Variants in SNX24 observed in about 807,000 individuals in gnomAD.
The protein encoded by SNX24 is sorting nexin 24.
SNX24 carries 22 observed loss-of-function variants against 28.7 expected under a neutral mutation model. The ratio of observed to expected loss-of-function variants is 0.77; its 90% CI spans 0.55 to 1.10. The LOEUF is 1.10. SNX24 is among the 50% of genes least tolerant of loss of function. The pLI, the probability that SNX24 is intolerant of heterozygous loss-of-function variation, is 0.00. For missense variants in SNX24, 221 were observed against 201.1 expected (o/e 1.10, Z -0.60); for synonymous variants, 69 against 71.5 (o/e 0.96, Z 0.18).
intron 5 of SNX24, 96 bp from the exon 6 acceptor site, chr5:123,001,844 C>T (rs1231799143): frequency 4.0e-6 from 4 of 989,942 alleles, no homozygotes; most frequent in Non-Finnish European, 6.5e-6. Context: ...TTGAGACGTC[C>T]CCGCACAGCA....
At chr5:122,874,461 C>T (rs565917003) in intron 1 of SNX24, among the ~76,000 whole-genome samples, 97 of 152,272 alleles carry the variant, frequency 6.4e-4, no homozygotes, top group African/African-American at 2.3e-3. Flanking sequence ...AGAGGGGACT[C>T]TAAGCATGCT....
Position 122,941,458 on chromosome 5 carries a change from T to G in SNX24, c.145-4597T>G, listed in dbSNP as rs77490212. 3.4e-3 allele frequency among the ~76,000 whole-genome samples: 518 copies of G among 152,328 alleles called. 21 individuals carry two copies. In the East Asian group the frequency reaches 0.085, roughly 25 times the overall value. ...CATGTCGAATGTCTTTTCCTGTGTG[T>G]TCTGATCTATTCAAACCAAGACATT... On this transcript the variant is annotated intron_variant, in intron 2 of 6. Transcript: ENST00000261369.
chr5:122,923,723 G>A (rs75860083), intron 1 of SNX24, among the ~76,000 whole-genome samples: 2,037 of 152,250 alleles, frequency 0.013, 40 homozygotes, highest in African/African-American at 0.032. Flanking sequence ...CATAATTTCA[G>A]CCTTGAAAGA....
chr5:122,910,014 C>A (rs1041144875), intron 1 of SNX24, among the ~76,000 whole-genome samples: 1 of 152,074 alleles, frequency 6.6e-6, no homozygotes, highest in African/African-American at 2.4e-5. Context: ...AGGTTCAAGG[C>A]AGAAAGATAT....
chr5:122,875,508 A>G (rs1756183548), intron 1 of SNX24, among the ~76,000 whole-genome samples: 2 of 152,338 alleles, frequency 1.3e-5, no homozygotes, highest in Admixed American at 1.3e-4. Context: ...TCTCACCTTA[A>G]CTTGCCTCCA....
chr5:122,999,850 C>A (rs1012596650), intron 3 of SNX24, 62 bp from the exon 4 acceptor site: 3 of 954,432 alleles, frequency 3.1e-6, no homozygotes, highest in South Asian at 2.6e-5. Flanking sequence ...TGAAATAGTT[C>A]ATTTGATTGA....
chr5:122,881,551 G>A (rs1206068778), intron 1 of SNX24, among the ~76,000 whole-genome samples: 1 of 152,146 alleles, frequency 6.6e-6, no homozygotes, highest in East Asian at 1.9e-4. Context: ...ACAGGCTTTA[G>A]AGTCAGAGAG....
At chr5:122,893,290 T>G (rs1323933646) in intron 1 of SNX24, among the ~76,000 whole-genome samples, 1 of 152,184 alleles carries the variant, frequency 6.6e-6, no homozygotes, top group East Asian at 1.9e-4. Context: ...ACCCCATTTT[T>G]TTTTTTGATG....
At chr5:123,011,654 A>C (rs1762581246), downstream of SNX24, among the ~76,000 whole-genome samples, 1 of 152,256 alleles carries the variant, frequency 6.6e-6, no homozygotes, top group African/African-American at 2.4e-5. Flanking sequence ...GATGGCTACT[A>C]TCAAAGCAGA....
intron 5 of SNX24, chr5:123,028,972 C>T (rs1762903664): frequency 1.9e-6 from 2 of 1,043,596 alleles, no homozygotes; most frequent in Non-Finnish European, 2.8e-6. Flanking sequence ...AAACAAAATG[C>T]CTACAGAACT....
chr5:122,887,732 C>A (rs1047783796), intron 1 of SNX24, among the ~76,000 whole-genome samples: 5 of 152,156 alleles, frequency 3.3e-5, no homozygotes, highest in Non-Finnish European at 2.9e-5. Flanking sequence ...GATGGAGTTT[C>A]GCTCTTGTTG....
chr5:122,895,433 C>G (rs1455835045), intron 1 of SNX24, among the ~76,000 whole-genome samples: 1 of 152,058 alleles, frequency 6.6e-6, no homozygotes, highest in Non-Finnish European at 1.5e-5. Context: ...GAAGTCAGCC[C>G]CCCTGAGATA....
Position 122,845,683 on chromosome 5 carries a change from G to C in SNX24, c.50G>C (p.Arg17Pro). ...CGCTATGAAGAGAGCGACCTGGAGC[G>C]GGGATACACGGTAGGCGCGGGCCGC... ...SFRYEESDLE[R>P]GYTVFKIEVL... The change falls in exon 1 of 7, where the codon CGG becomes CCG. Residue 17 changes from arginine to proline, a missense_variant. Arg to Pro is a moderately radical substitution (Grantham distance 103, BLOSUM62 -2). Coordinates refer to ENST00000261369, the MANE Select transcript of SNX24 (RefSeq NM_014035.4). The C allele has an allele frequency of 1.4e-6, 2 of 1,414,766 alleles. No homozygotes were observed. The highest frequency in any genetic ancestry group is 1.9e-6 in the Non-Finnish European group (2 of 1,074,352). 87.6% of individuals were successfully genotyped at this position (1,414,766 alleles called of 1,614,324 possible).
intron 1 of SNX24, among the ~76,000 whole-genome samples, chr5:122,910,996 G>C (rs570114772): frequency 3.0e-4 from 45 of 152,282 alleles, no homozygotes; most frequent in Middle Eastern, 3.4e-3. Context: ...TAATGGGATG[G>C]CTGGGTCAAA....
chr5:122,892,738 C>T (rs1474061414), intron 1 of SNX24, among the ~76,000 whole-genome samples: 3 of 150,892 alleles, frequency 2.0e-5, no homozygotes, highest in Non-Finnish European at 4.4e-5. Flanking sequence ...GTGCCCAGCC[C>T]ATTTCCTTTA....
At chr5:122,908,515 A>G (rs561893904) in intron 1 of SNX24, among the ~76,000 whole-genome samples, 3 of 152,358 alleles carry the variant, frequency 2.0e-5, no homozygotes, top group African/African-American at 7.2e-5. Context: ...ACTTAAGGGA[A>G]AAATTATTCT....
intron 6 of SNX24, among the ~76,000 whole-genome samples, chr5:123,004,090 C>T (rs115411471): frequency 0.028 from 4,283 of 152,262 alleles, 76 homozygotes; most frequent in Middle Eastern, 0.054. Flanking sequence ...GAGGATATTG[C>T]GTATGGAAAT....
chr5:122,912,624 T>C (rs571267473), intron 1 of SNX24, among the ~76,000 whole-genome samples: 18 of 152,260 alleles, frequency 1.2e-4, no homozygotes, highest in Non-Finnish European at 2.1e-4. Context: ...ATAGCTCTTA[T>C]TATTTTGAGA....
chr5:122,970,235 T>A (rs1159427505), intron 3 of SNX24, among the ~76,000 whole-genome samples: 1 of 150,366 alleles, frequency 6.7e-6, no homozygotes, highest in Non-Finnish European at 1.5e-5. Flanking sequence ...ACTGAACTTT[T>A]TAATTTGAAG....
Sources: gnomAD v4.1 joint callset for allele counts (sites outside exome capture counted in the v4.1 genomes callset) on GRCh38, gnomAD v4.1.1 for gene constraint, MANE v1.5 for transcripts, NCBI Gene and HGNC (gene_info 2026-07-23, HGNC 2026-07-21) for gene names.